Variants in UGT1A9 observed in about 807,000 individuals in gnomAD.
UGT1A9 encodes the protein UDP glucuronosyltransferase family 1 member A9.
A neutral mutation model predicts 45.0 loss-of-function variants in UGT1A9; 35 were observed. That is an observed-to-expected ratio of 0.78 (90% confidence interval 0.59 to 1.03). The LOEUF is 1.03. Ranked by LOEUF, UGT1A9 falls within the 50% of genes least tolerant of loss-of-function variation. The pLI is 0.00. For synonymous variants in UGT1A9, 278 were observed against 250.6 expected, an observed-to-expected ratio of 1.11 and a Z score of -1.03; for missense variants, 687 against 666.6, an observed-to-expected ratio of 1.03 and a Z score of -0.34.
chr2:233,743,894 A>G, intron 1 of UGT1A9: 2 of 1,366,966 alleles, frequency 1.5e-6, no homozygotes, highest in Non-Finnish European at 9.8e-7. Context: ...GGGCACGTCC[A>G]GCACCTCGTA....
At chr2:233,723,181 A>C (rs2077065915) in intron 1 of UGT1A9, among the ~76,000 whole-genome samples, 2 of 132,766 alleles carry the variant, frequency 1.5e-5, no homozygotes, top group African/African-American at 6.0e-5. Flanking sequence ...AAACCATAGA[A>C]GGGTCCATGT....
chr2:233,705,487 T>C (rs1377718108), intron 1 of UGT1A9, among the ~76,000 whole-genome samples: 1 of 152,176 alleles, frequency 6.6e-6, no homozygotes. Flanking sequence ...AATTTAATGA[T>C]AATAAATACC....
chr2:233,714,426 AAC>A (rs1430757538), intron 1 of UGT1A9, among the ~76,000 whole-genome samples: 5 of 152,176 alleles, frequency 3.3e-5, no homozygotes, highest in Non-Finnish European at 5.9e-5. Flanking sequence ...CAGAGAATGA[AAC>A]ACAGAGTTCA....
intron 1 of UGT1A9, among the ~76,000 whole-genome samples, chr2:233,752,885 GC>G (rs1406644444): frequency 1.3e-5 from 2 of 152,174 alleles, no homozygotes; most frequent in Non-Finnish European, 2.9e-5. Context: ...GTTAAAACTA[GC>G]CAGCGTTGTT....
intron 1 of UGT1A9, chr2:233,718,939 C>A (rs149017068): frequency 2.6e-4 from 420 of 1,614,132 alleles, no homozygotes; most frequent in Non-Finnish European, 3.2e-4. Context: ...GATGGCAGCC[C>A]CTGGCTCAGC....
In UGT1A9 at chr2:233,684,602, A is replaced by G. The variant is rs556392560; in HGVS notation, c.855+11813A>G. Among the ~76,000 whole-genome samples, 140 of 152,310 alleles carry G rather than the reference A, an allele frequency of 9.2e-4. 1 individual carries two copies. Among genetic ancestry groups the G allele is most frequent in the African/African-American group, 3.3e-3 (136 of 41,578 alleles). Reference sequence around the variant, plus strand: ...CATTGAGCCATATATAGTTTTACATATTTTGGTTATTTGTATATCTTCAGT... The same window carrying G: ...CATTGAGCCATATATAGTTTTACATGTTTTGGTTATTTGTATATCTTCAGT... On this transcript the variant is annotated intron_variant, in intron 1 of 4. Transcript: ENST00000354728.
chr2:233,720,440 T>C (rs2076859739), intron 1 of UGT1A9, among the ~76,000 whole-genome samples: 1 of 152,036 alleles, frequency 6.6e-6, no homozygotes, highest in Non-Finnish European at 1.5e-5. Flanking sequence ...CGTGAATCTA[T>C]AAGCCCAGTG....
At chr2:233,682,095 A>C (rs2074557589) in intron 1 of UGT1A9, 2 of 1,614,146 alleles carry the variant, frequency 1.2e-6, no homozygotes, top group Non-Finnish European at 8.5e-7. Flanking sequence ...CTCAGGGGGC[A>C]TGAGGTGGTC....
chr2:233,696,392 T>C (rs1379214927), intron 1 of UGT1A9, among the ~76,000 whole-genome samples: 1 of 152,222 alleles, frequency 6.6e-6, no homozygotes, highest in Admixed American at 6.5e-5. Flanking sequence ...TCTTTGTACG[T>C]TTTGTAAATG....
rs35802766 is a variant in UGT1A9, at chr2:233,761,211, C to T, written c.856-5823C>T. Reference sequence around the variant, plus strand: ...TTCTTTCAGATGTATTACTTTGGATCGATTAACTAGCCCCAGATATATGCT... The same window carrying T: ...TTCTTTCAGATGTATTACTTTGGATTGATTAACTAGCCCCAGATATATGCT... On this transcript the variant is annotated intron_variant, in intron 1 of 4. Coordinates refer to ENST00000354728, the MANE Select transcript of UGT1A9 (RefSeq NM_021027.3). 81 of 1,613,620 alleles carry T rather than the reference C, an allele frequency of 5.0e-5. No homozygotes were observed. In the East Asian group the frequency reaches 6.7e-4, roughly 13 times the overall value.
intron 1 of UGT1A9, among the ~76,000 whole-genome samples, chr2:233,678,733 C>G (rs185877328): frequency 2.6e-5 from 4 of 151,276 alleles, no homozygotes; most frequent in Admixed American, 1.3e-4. Flanking sequence ...TCATCAAGTA[C>G]TGATTGGAAA....
chr2:233,755,073 T>A (rs764125289), intron 1 of UGT1A9: 1 of 1,336,212 alleles, frequency 7.5e-7, no homozygotes, highest in East Asian at 4.6e-5. Flanking sequence ...GCCATAGCGG[T>A]CATAGATATC....
intron 1 of UGT1A9, among the ~76,000 whole-genome samples, chr2:233,714,888 A>ATCTTTTTTTTTTT (rs148944858): frequency 1.3e-5 from 2 of 151,902 alleles, no homozygotes; most frequent in Admixed American, 6.6e-5. Flanking sequence ...AAATTTTTCT[A>ATCTTTTTTTTTTT]TCTTTTGAGA....
chr2:233,726,571 G>C (rs949058531), intron 1 of UGT1A9, among the ~76,000 whole-genome samples: 3 of 152,106 alleles, frequency 2.0e-5, no homozygotes, highest in African/African-American at 7.2e-5. Context: ...TCTTACGCCT[G>C]TCTCCTTCAC....
At chr2:233,724,165 C>G (rs1303959593) in intron 1 of UGT1A9, among the ~76,000 whole-genome samples, 1 of 112,732 alleles carries the variant, frequency 8.9e-6, no homozygotes, top group African/African-American at 4.2e-5. Context: ...GGGGGGCTGA[C>G]CCCCCCATCT....
intron 1 of UGT1A9, among the ~76,000 whole-genome samples, chr2:233,750,901 C>T (rs2125907846): frequency 6.6e-6 from 1 of 152,000 alleles, no homozygotes; most frequent in South Asian, 2.1e-4. Flanking sequence ...AGAACCTCTG[C>T]TAGAGAAGGG....
chr2:233,758,146 A>G (rs1260919985), intron 1 of UGT1A9, among the ~76,000 whole-genome samples: 1 of 152,228 alleles, frequency 6.6e-6, no homozygotes, highest in Non-Finnish European at 1.5e-5. Flanking sequence ...TGAGGGAATT[A>G]GCAATGGGTT....
intron 1 of UGT1A9, among the ~76,000 whole-genome samples, chr2:233,751,670 A>G (rs181652696): frequency 2.6e-4 from 40 of 152,190 alleles, no homozygotes; most frequent in Admixed American, 1.9e-3. Flanking sequence ...AGTGAGTTCT[A>G]ATGAGAGCTG....
At chr2:233,713,401 T>C in intron 1 of UGT1A9, 1 of 1,614,206 alleles carries the variant, frequency 6.2e-7, no homozygotes, top group Non-Finnish European at 8.5e-7. Context: ...AATGAGGCCC[T>C]GATCAGGCAC....
Sources: allele counts gnomAD v4.1 joint callset (sites outside exome capture counted in the v4.1 genomes callset), GRCh38; gene constraint gnomAD v4.1.1; transcripts MANE v1.5; gene names NCBI Gene and HGNC (gene_info 2026-07-23, HGNC 2026-07-21).